ST6GALNAC3: variants seen among roughly 807,000 people sequenced by gnomAD.
ST6GALNAC3 encodes alpha-N-acetylgalactosaminide alpha-2,6-sialyltransferase 3.
In ST6GALNAC3, 25 loss-of-function variants were observed where a neutral mutation model predicts 32.7. That is an observed-to-expected ratio of 0.76 (90% CI 0.56 to 1.07). The LOEUF (loss-of-function observed/expected upper bound fraction) is 1.07. Ranked by LOEUF, ST6GALNAC3 falls within the 50% of genes least tolerant of loss-of-function variation. ST6GALNAC3 has a pLI of 0.00. For missense variants in ST6GALNAC3, 355 were observed against 382.4 expected, an observed-to-expected ratio of 0.93 and a Z score of 0.60; for synonymous variants, 129 against 133.1, an observed-to-expected ratio of 0.97 and a Z score of 0.21.
intron 3 of ST6GALNAC3, among the ~76,000 whole-genome samples, chr1:76,475,170 A>G (rs1201689282): frequency 6.6e-6 from 1 of 152,184 alleles, no homozygotes; most frequent in Non-Finnish European, 1.5e-5. Context: ...TTGCAAGAAG[A>G]GCAAAAAATA....
intron 3 of ST6GALNAC3, among the ~76,000 whole-genome samples, chr1:76,481,047 G>A (rs1438583481): frequency 6.6e-6 from 1 of 152,090 alleles, no homozygotes; most frequent in East Asian, 1.9e-4. Flanking sequence ...TACAGTAACT[G>A]TGTATCTATT....
At chr1:76,467,241 T>A (rs1053655719) in intron 3 of ST6GALNAC3, among the ~76,000 whole-genome samples, 1 of 151,994 alleles carries the variant, frequency 6.6e-6, no homozygotes, top group African/African-American at 2.4e-5. Context: ...TAGAGAGAAG[T>A]CATTCCTTTA....
intron 3 of ST6GALNAC3, among the ~76,000 whole-genome samples, chr1:76,443,912 T>A (rs1265725673): frequency 1.3e-5 from 2 of 152,206 alleles, no homozygotes; most frequent in African/African-American, 4.8e-5. Flanking sequence ...ATGGGTGCCA[T>A]TTGGCATTCT....
intron 3 of ST6GALNAC3, among the ~76,000 whole-genome samples, chr1:76,613,307 T>A (rs1648060763): frequency 6.6e-6 from 1 of 152,318 alleles, no homozygotes; most frequent in East Asian, 1.9e-4. Flanking sequence ...CTTCTTGCCA[T>A]TTTTTGGAGC....
chr1:76,399,026 A>C (rs1653202726), intron 2 of ST6GALNAC3, among the ~76,000 whole-genome samples: 1 of 152,136 alleles, frequency 6.6e-6, no homozygotes, highest in Non-Finnish European at 1.5e-5. Flanking sequence ...TTTCCTCTTT[A>C]ATCAATAATT....
chr1:76,244,463 G>A (rs1657145309), intron 1 of ST6GALNAC3, among the ~76,000 whole-genome samples: 1 of 151,978 alleles, frequency 6.6e-6, no homozygotes, highest in Admixed American at 6.6e-5. Context: ...TAATTTCCCT[G>A]GCCAGAACTT....
chr1:76,211,178 T>C (rs956678226), intron 1 of ST6GALNAC3, among the ~76,000 whole-genome samples: 4 of 152,084 alleles, frequency 2.6e-5, no homozygotes, highest in Non-Finnish European at 4.4e-5. Context: ...AAAAGACACA[T>C]GAAAAAATGC....
chr1:76,393,592 T>G (rs779853024), intron 2 of ST6GALNAC3, among the ~76,000 whole-genome samples: 4 of 152,160 alleles, frequency 2.6e-5, no homozygotes, highest in Admixed American at 1.3e-4. Context: ...GTGTACACAT[T>G]TAGCTTTATT....
At chr1:76,354,932 G>T (rs1033298722) in intron 2 of ST6GALNAC3, among the ~76,000 whole-genome samples, 3 of 152,224 alleles carry the variant, frequency 2.0e-5, no homozygotes, top group African/African-American at 2.4e-5. Context: ...AGGGGAAAAT[G>T]TAAGGGGTAA....
chr1:76,179,022 T>A (rs1653016856), intron 1 of ST6GALNAC3, among the ~76,000 whole-genome samples: 1 of 152,148 alleles, frequency 6.6e-6, no homozygotes, highest in Non-Finnish European at 1.5e-5. Context: ...CCTGCTCGGC[T>A]CAGTGGGCTC....
chr1:76,126,424 T>TTCC (rs1557637473), intron 1 of ST6GALNAC3, among the ~76,000 whole-genome samples: 1,179 of 73,350 alleles, frequency 0.016, 13 homozygotes, highest in African/African-American at 0.063. Context: ...CCCTCCTGCC[T>TTCC]TTCCTTCCTT....
Position 76,298,492 on chromosome 1 carries a change from C to T in ST6GALNAC3, c.19-15313C>T, listed in dbSNP as rs1162030997. Among the ~76,000 whole-genome samples the T allele has an allele frequency of 2.6e-5, 4 of 152,032 alleles. No homozygotes were observed. The South Asian group carries it at 6.2e-4, about 24-fold the overall frequency. Reference sequence around the variant, plus strand: ...CATTACATGGTAAGTTCTAAAGCAGCAGGGACAAGGCTCAGAGTAACTAAA... The same window carrying T: ...CATTACATGGTAAGTTCTAAAGCAGTAGGGACAAGGCTCAGAGTAACTAAA... On this transcript the variant is annotated intron_variant, in intron 1 of 4. Coordinates refer to ENST00000328299, the MANE Select transcript of ST6GALNAC3 (RefSeq NM_152996.4).
At chr1:76,241,889 T>C (rs1656987452) in intron 1 of ST6GALNAC3, among the ~76,000 whole-genome samples, 1 of 152,214 alleles carries the variant, frequency 6.6e-6, no homozygotes, top group East Asian at 1.9e-4. Flanking sequence ...TACATTTCTA[T>C]TGGACAGCCT....
chr1:76,245,692 G>T (rs918588772), intron 1 of ST6GALNAC3, among the ~76,000 whole-genome samples: 2 of 152,108 alleles, frequency 1.3e-5, no homozygotes, highest in Non-Finnish European at 2.9e-5. Context: ...TATTTACCCA[G>T]GAGTCATTCA....
At chr1:76,131,932 G>A (rs143561400) in intron 1 of ST6GALNAC3, among the ~76,000 whole-genome samples, 1 of 152,204 alleles carries the variant, frequency 6.6e-6, no homozygotes, top group African/African-American at 2.4e-5. Flanking sequence ...ATGATGCAAG[G>A]GGTACCATGA....
At chr1:76,122,454 C>T (rs1187348287) in intron 1 of ST6GALNAC3, among the ~76,000 whole-genome samples, 1 of 152,216 alleles carries the variant, frequency 6.6e-6, no homozygotes, top group Non-Finnish European at 1.5e-5. Context: ...ACAGCTCTCT[C>T]TCTCTCAAGC....
chr1:76,163,339 C>T lies in ST6GALNAC3; in HGVS notation c.18+88455C>T, dbSNP rs1441383867. 3.3e-5 allele frequency among the ~76,000 whole-genome samples: 5 copies of T among 152,186 alleles called. 1 individual carries two copies. Among genetic ancestry groups the T allele is most frequent in the African/African-American group, 1.2e-4 (5 of 41,426 alleles). ...AGGGCTTAGCACAATGCTGAGTCCA[C>T]AGTGATTAACAAATATGTAATGCTT... On this transcript the variant is annotated intron_variant, in intron 1 of 4. Transcript: ENST00000328299.
intron 1 of ST6GALNAC3, among the ~76,000 whole-genome samples, chr1:76,169,699 A>G (rs1652352914): frequency 6.6e-6 from 1 of 152,090 alleles, no homozygotes; most frequent in African/African-American, 2.4e-5. Context: ...TTATTTCGGA[A>G]AGCCAGTCGT....
intron 3 of ST6GALNAC3, among the ~76,000 whole-genome samples, chr1:76,622,034 G>A (rs939242868): frequency 6.6e-6 from 1 of 151,960 alleles, no homozygotes; most frequent in African/African-American, 2.4e-5. Context: ...TTATTGGAAG[G>A]GGGGTCTTGA....
Sources: allele counts gnomAD v4.1 joint callset (sites outside exome capture counted in the v4.1 genomes callset), GRCh38; gene constraint gnomAD v4.1.1; transcripts MANE v1.5; gene names NCBI Gene and HGNC (gene_info 2026-07-23, HGNC 2026-07-21).